Variants in FNDC3A observed in about 807,000 individuals in gnomAD.
FNDC3A encodes the protein fibronectin type III domain containing 3A.
Under a neutral mutation model 148.9 loss-of-function variants are expected in FNDC3A, and 32 were observed. The ratio of observed to expected loss-of-function variants is 0.21; its 90% CI spans 0.16 to 0.29. The LOEUF (loss-of-function observed/expected upper bound fraction) is 0.29. FNDC3A is among the 10% of genes least tolerant of loss of function. The pLI is 1.00. For missense variants in FNDC3A, 1,191 were observed against 1,452.8 expected, an observed-to-expected ratio of 0.82 and a Z score of 2.93; for synonymous variants, 472 against 473.6, an observed-to-expected ratio of 1.00 and a Z score of 0.04.
chr13:49,054,371 C>G (rs1450226030), intron 2 of FNDC3A, among the ~76,000 whole-genome samples: 1 of 152,170 alleles, frequency 6.6e-6, no homozygotes, highest in Admixed American at 6.5e-5. Context: ...TGAAAGGAGA[C>G]ATCAGAGATA....
intron 2 of FNDC3A, among the ~76,000 whole-genome samples, chr13:49,024,174 CAAG>C (rs777732990): frequency 5.9e-5 from 9 of 151,784 alleles, no homozygotes; most frequent in Non-Finnish European, 1.2e-4. Flanking sequence ...AAAATTGGAA[CAAG>C]AAGAAGTAGA....
chr13:49,142,094 C>T (rs1882722634), intron 7 of FNDC3A, among the ~76,000 whole-genome samples: 1 of 152,176 alleles, frequency 6.6e-6, no homozygotes, highest in South Asian at 2.1e-4. Flanking sequence ...TTACTTCTAA[C>T]ATTAGCATAC....
intron 3 of FNDC3A, among the ~76,000 whole-genome samples, chr13:49,093,695 G>A (rs1879336679): frequency 6.6e-6 from 1 of 152,120 alleles, no homozygotes; most frequent in Non-Finnish European, 1.5e-5. Context: ...TCTACTCATA[G>A]TCCAACAATG....
chr13:49,069,414 C>G (rs983451121), intron 2 of FNDC3A, among the ~76,000 whole-genome samples: 7 of 152,082 alleles, frequency 4.6e-5, no homozygotes, highest in African/African-American at 1.7e-4. Context: ...TCACCCTTCC[C>G]GTGTTCCCCC....
intron 1 of FNDC3A, among the ~76,000 whole-genome samples, chr13:48,991,498 G>A (rs1951916125): frequency 6.6e-6 from 1 of 151,998 alleles, no homozygotes; most frequent in African/African-American, 2.4e-5. Flanking sequence ...ACCAGCCTGG[G>A]CAATGTGGTG....
intron 1 of FNDC3A, among the ~76,000 whole-genome samples, chr13:48,993,369 C>T (rs1190910792): frequency 6.6e-6 from 1 of 152,168 alleles, no homozygotes; most frequent in East Asian, 1.9e-4. Context: ...ATGTGTGGCC[C>T]AGGAATCTGT....
chr13:49,198,544 A>T lies in FNDC3A; in HGVS notation c.2957A>T (p.Tyr986Phe). Residue 986 changes from tyrosine to phenylalanine, a missense_variant, in exon 23 of 26, where the codon TAC (tyrosine) becomes TTC (phenylalanine). Coordinates refer to ENST00000492622, the MANE Select transcript of FNDC3A (RefSeq NM_001079673.2). Reference protein sequence around the residue: ...PKTLSTDSIQYHLQMEDKNGR... With the variant: ...PKTLSTDSIQFHLQMEDKNGR... ...ACATTGTCAACCGATTCTATTCAGT[A>T]CCACCTTCAGATGGAGGATAAGAAT... The T allele has an allele frequency of 6.2e-7, 1 of 1,614,036 alleles. No homozygotes were observed. The highest frequency in any genetic ancestry group is 8.5e-7 in the Non-Finnish European group (1 of 1,179,872).
At chr13:49,100,110 C>T (rs185219229) in intron 3 of FNDC3A, among the ~76,000 whole-genome samples, 262 of 152,002 alleles carry the variant, frequency 1.7e-3, no homozygotes, top group African/African-American at 6.2e-3. Context: ...ATAATTGTTC[C>T]ATTTATATTA....
intron 1 of FNDC3A, among the ~76,000 whole-genome samples, chr13:48,983,139 T>C (rs1455356080): frequency 2.6e-5 from 4 of 152,198 alleles, no homozygotes; most frequent in African/African-American, 9.7e-5. Context: ...CCCTCCCCTT[T>C]AGAAATTTAC....
At chr13:49,134,801 CTTTTTTT>C (rs528015993) in intron 5 of FNDC3A, among the ~76,000 whole-genome samples, 3 of 6,196 alleles carry the variant, frequency 4.8e-4, no homozygotes, top group African/African-American at 2.7e-3. Flanking sequence ...TTTTCTTTTC[CTTTTTTT>C]TTTTTTTTTT....
At chr13:49,048,136 A>T (rs1444144828) in intron 2 of FNDC3A, among the ~76,000 whole-genome samples, 3 of 151,276 alleles carry the variant, frequency 2.0e-5, no homozygotes, top group African/African-American at 7.3e-5. Flanking sequence ...TTTCTATTCT[A>T]CTCCAATGAT....
chr13:49,012,815 G>GTGTGTGTGTGTGTGTGTGTGTC (rs1555277966), intron 2 of FNDC3A, among the ~76,000 whole-genome samples: 2 of 150,974 alleles, frequency 1.3e-5, no homozygotes, highest in African/African-American at 4.9e-5. Context: ...ATGTGTGTGT[G>GTGTGTGTGTGTGTGTGTGTGTC]TGTGTGTGTG....
At chr13:49,068,725 A>G (rs914208562) in intron 2 of FNDC3A, among the ~76,000 whole-genome samples, 5 of 152,226 alleles carry the variant, frequency 3.3e-5, no homozygotes, top group South Asian at 2.1e-4. Flanking sequence ...ATGCAGCCAT[A>G]AAAAGGAATG....
chr13:48,997,787 C>T (rs982254329), intron 1 of FNDC3A, among the ~76,000 whole-genome samples: 2 of 151,658 alleles, frequency 1.3e-5, no homozygotes, highest in East Asian at 1.9e-4. Flanking sequence ...TTCAGTAAGA[C>T]GGTAATTGGT....
intron 2 of FNDC3A, chr13:49,045,571 A>G (rs1593512709): frequency 1.1e-5 from 4 of 361,682 alleles, no homozygotes; most frequent in South Asian, 1.4e-4. Flanking sequence ...AACAAGTAAT[A>G]TATCCCATAC....
At chr13:49,111,007 C>T (rs1452406830) in intron 3 of FNDC3A, among the ~76,000 whole-genome samples, 1 of 152,106 alleles carries the variant, frequency 6.6e-6, no homozygotes, top group Non-Finnish European at 1.5e-5. Context: ...AAATCATGCT[C>T]AAATCACATA....
At chr13:49,048,104 G>A (rs552595382) in intron 2 of FNDC3A, among the ~76,000 whole-genome samples, 36 of 151,960 alleles carry the variant, frequency 2.4e-4, no homozygotes, top group African/African-American at 8.7e-4. Context: ...TTAGTTGGCT[G>A]TATTTGGCTT....
intron 2 of FNDC3A, 142 bp downstream of exon 2, chr13:49,006,431 T>TA (rs1952222259): frequency 5.8e-6 from 3 of 513,368 alleles, no homozygotes; most frequent in Non-Finnish European, 1.0e-5. Context: ...TATAAGATGA[T>TA]AAAAATAATG....
At chr13:49,064,860 A>C (rs1877158640) in intron 2 of FNDC3A, among the ~76,000 whole-genome samples, 1 of 152,136 alleles carries the variant, frequency 6.6e-6, no homozygotes, top group Non-Finnish European at 1.5e-5. Flanking sequence ...GGAGGGTATA[A>C]AGCAAGCTCA....
Sources: gnomAD v4.1 joint callset for allele counts (sites outside exome capture counted in the v4.1 genomes callset) on GRCh38, gnomAD v4.1.1 for gene constraint, MANE v1.5 for transcripts, NCBI Gene and HGNC (gene_info 2026-07-23, HGNC 2026-07-21) for gene names.